SV2C: variants seen among roughly 807,000 people sequenced by gnomAD.
SV2C encodes synaptic vesicle glycoprotein 2C.
A neutral mutation model predicts 79.7 loss-of-function variants in SV2C; 49 were observed. The observed-to-expected ratio is 0.61, with a 90% CI of 0.49 to 0.78. The LOEUF is 0.78. Ranked by LOEUF, SV2C falls within the 30% of genes least tolerant of loss-of-function variation. The pLI, the probability that SV2C is intolerant of heterozygous loss-of-function variation, is 0.00. For missense variants in SV2C, 833 were observed against 912.9 expected (o/e 0.91, Z 1.13); for synonymous variants, 334 against 333.2 (o/e 1.00, Z -0.03).
intron 4 of SV2C, among the ~76,000 whole-genome samples, chr5:76,242,605 A>G (rs545126650): frequency 6.2e-4 from 94 of 152,338 alleles, no homozygotes; most frequent in African/African-American, 2.2e-3. Context: ...TTATTGGTAC[A>G]GAAACAAAAT....
intron 1 of SV2C, among the ~76,000 whole-genome samples, chr5:76,122,750 A>G (rs1214128376): frequency 6.6e-6 from 1 of 152,108 alleles, no homozygotes; most frequent in Admixed American, 6.5e-5. Flanking sequence ...TTATAGCACT[A>G]AATGCCCACA....
the SV2C span, among the ~76,000 whole-genome samples, chr5:76,062,935 T>C: frequency 6.6e-6 from 1 of 152,118 alleles, no homozygotes; most frequent in Admixed American, 6.5e-5. Context: ...GGCATTCAAA[T>C]TTGCATGTTA....
chr5:76,204,322 A>G (rs1156948169), intron 3 of SV2C, among the ~76,000 whole-genome samples: 1 of 152,236 alleles, frequency 6.6e-6, no homozygotes, highest in East Asian at 1.9e-4. Flanking sequence ...TTCCTGACAT[A>G]GGCCAGACCA....
intron 4 of SV2C, among the ~76,000 whole-genome samples, chr5:76,243,426 A>G (rs562324336): frequency 2.0e-5 from 3 of 152,306 alleles, no homozygotes; most frequent in East Asian, 1.9e-4. Context: ...AGCTGGGAGC[A>G]CAGAGGCAGT....
chr5:76,061,648 G>T, the SV2C span, among the ~76,000 whole-genome samples: 1 of 152,000 alleles, frequency 6.6e-6, no homozygotes, highest in South Asian at 2.1e-4. Context: ...AATAAAATCA[G>T]ACCTCGTGTT....
At chr5:76,117,128 A>G (rs1248215961) in intron 1 of SV2C, among the ~76,000 whole-genome samples, 1 of 152,174 alleles carries the variant, frequency 6.6e-6, no homozygotes, top group African/African-American at 2.4e-5. Flanking sequence ...CTCTCCATGA[A>G]TCCTGATGTT....
chr5:76,139,997 C>A (rs1181261306), intron 2 of SV2C, among the ~76,000 whole-genome samples: 2 of 151,060 alleles, frequency 1.3e-5, no homozygotes, highest in Non-Finnish European at 2.9e-5. Flanking sequence ...CTAAATAATT[C>A]TAGAATAAAT....
chr5:76,041,194 A>T, the SV2C span, among the ~76,000 whole-genome samples: 1 of 152,208 alleles, frequency 6.6e-6, no homozygotes, highest in Non-Finnish European at 1.5e-5. Context: ...AAATCAAGCT[A>T]ACCAACGATA....
chr5:76,294,505 T>C (rs1489126622), intron 8 of SV2C, among the ~76,000 whole-genome samples: 2 of 152,168 alleles, frequency 1.3e-5, no homozygotes, highest in African/African-American at 4.8e-5. Context: ...TTTCACCATG[T>C]TGACCAGGCT....
the SV2C span, among the ~76,000 whole-genome samples, chr5:76,024,928 G>C: frequency 1.3e-5 from 2 of 152,164 alleles, no homozygotes; most frequent in Non-Finnish European, 2.9e-5. Context: ...AATCTAAAAG[G>C]GAGAAGTGGC....
chr5:76,162,590 ACTC>A (rs1742929685), intron 2 of SV2C, among the ~76,000 whole-genome samples: 1 of 152,140 alleles, frequency 6.6e-6, no homozygotes, highest in Non-Finnish European at 1.5e-5. Flanking sequence ...GTGATGCTGA[ACTC>A]CTGTGAAAGA....
At chr5:75,858,692 A>T in the SV2C span, among the ~76,000 whole-genome samples, 16,786 of 152,166 alleles carry the variant, frequency 0.11, 989 homozygotes, top group East Asian at 0.16. Flanking sequence ...GTTCTTCTTT[A>T]AATGTTTGGT....
At chr5:76,146,806 A>T (rs1432656823) in intron 2 of SV2C, among the ~76,000 whole-genome samples, 2 of 149,548 alleles carry the variant, frequency 1.3e-5, no homozygotes, top group African/African-American at 4.9e-5. Context: ...TTAAAAAAAA[A>T]AAAAAAAAAA....
the SV2C span, among the ~76,000 whole-genome samples, chr5:75,961,723 A>C: frequency 6.6e-6 from 1 of 152,138 alleles, no homozygotes; most frequent in East Asian, 1.9e-4. Context: ...AATTAATATT[A>C]ATTTTCACAC....
At chr5:76,063,524 G>A in the SV2C span, among the ~76,000 whole-genome samples, 23 of 151,972 alleles carry the variant, frequency 1.5e-4, no homozygotes, top group Admixed American at 5.2e-4. Flanking sequence ...GTAGTGCCCA[G>A]TGCTGATGGC....
exon 13 of SV2C, chr5:76,353,143 C>T (rs917106266): frequency 2.2e-5 from 10 of 453,190 alleles, no homozygotes; most frequent in Non-Finnish European, 4.0e-5. Flanking sequence ...CAGAGTCTTG[C>T]CATGTTGCCC....
At chr5:76,174,171 T>C (rs771614927) in intron 2 of SV2C, 2 of 1,612,568 alleles carry the variant, frequency 1.2e-6, no homozygotes, top group Non-Finnish European at 1.7e-6. Flanking sequence ...ACGACTAGCT[T>C]ATACTCACGC....
At chr5:76,061,283 A>AG in the SV2C span, among the ~76,000 whole-genome samples, 1 of 150,804 alleles carries the variant, frequency 6.6e-6, no homozygotes, top group African/African-American at 2.4e-5. Context: ...AAAAAAAAAA[A>AG]AAAAAAAAAA....
chr5:75,974,079 T>G, the SV2C span, among the ~76,000 whole-genome samples: 3 of 152,038 alleles, frequency 2.0e-5, no homozygotes, highest in African/African-American at 7.3e-5. Context: ...CTTGTCATTA[T>G]TTTATCATTA....
Sources: gnomAD v4.1 joint callset for allele counts (sites outside exome capture counted in the v4.1 genomes callset) on GRCh38, gnomAD v4.1.1 for gene constraint, MANE v1.5 for transcripts, NCBI Gene and HGNC (gene_info 2026-07-23, HGNC 2026-07-21) for gene names.